CEP83: variants seen among roughly 807,000 people sequenced by gnomAD.
CEP83 encodes centrosomal protein of 83 kDa.
In CEP83, 70 loss-of-function variants were observed where a neutral mutation model predicts 101.9. The observed-to-expected ratio is 0.69, with a 90% CI of 0.57 to 0.84. CEP83 has a LOEUF of 0.84. Among genes scored for constraint, CEP83 ranks in the 40% least tolerant of loss-of-function variants. CEP83 has a pLI of 0.00. For missense variants in CEP83, 715 were observed against 787.2 expected (o/e 0.91, Z 1.10); for synonymous variants, 264 against 267.9 (o/e 0.99, Z 0.14).
At chr12:94,450,103 C>A (rs1000485950) in intron 1 of CEP83, among the ~76,000 whole-genome samples, 5 of 152,146 alleles carry the variant, frequency 3.3e-5, no homozygotes, top group Non-Finnish European at 7.4e-5. Context: ...GGGAGTAATG[C>A]AATGCACATT....
the CEP83 span, among the ~76,000 whole-genome samples, chr12:94,269,013 C>A: frequency 6.6e-5 from 10 of 152,050 alleles, no homozygotes; most frequent in Non-Finnish European, 1.5e-4. Context: ...AAGAGTGGAA[C>A]TTTGGAGGAG....
intron 6 of CEP83, among the ~76,000 whole-genome samples, chr12:94,394,204 G>A (rs561352197): frequency 7.9e-5 from 12 of 152,238 alleles, no homozygotes; most frequent in South Asian, 2.1e-4. Context: ...GAGGCATCAC[G>A]CTACCTGACT....
In CEP83 at chr12:94,425,731, T is replaced by C. The variant is rs1281582434; in HGVS notation, c.-102+9544A>G. On this transcript the variant is annotated intron_variant, in intron 2 of 16. Coordinates refer to ENST00000397809, the MANE Select transcript of CEP83 (RefSeq NM_016122.3). ...AATGGCTGTTCACAGACCGTCTTAATCTATGAAAAGATTTTTGCTTTAAGA... is the reference window on the plus strand; with the variant it reads ...AATGGCTGTTCACAGACCGTCTTAACCTATGAAAAGATTTTTGCTTTAAGA... Among the ~76,000 whole-genome samples, 3 of 152,312 alleles carry C rather than the reference T, an allele frequency of 2.0e-5. No individual in the cohort carries two copies. The East Asian group carries it at 5.8e-4, about 29-fold the overall frequency.
At chr12:94,385,425 A>T (rs2062083886) in intron 6 of CEP83, among the ~76,000 whole-genome samples, 1 of 152,104 alleles carries the variant, frequency 6.6e-6, no homozygotes, top group South Asian at 2.1e-4. Context: ...TTGAGAGTGG[A>T]TGTCCAAGCT....
chr12:94,331,918 C>A, intron 13 of CEP83, 89 bp from the exon 14 acceptor site: 1 of 1,180,746 alleles, frequency 8.5e-7, no homozygotes, highest in South Asian at 1.3e-5. Context: ...AACTCACTAC[C>A]TGTCTGACCA....
intron 6 of CEP83, among the ~76,000 whole-genome samples, chr12:94,391,596 T>C (rs1213663785): frequency 6.6e-6 from 1 of 152,074 alleles, no homozygotes; most frequent in African/African-American, 2.4e-5. Context: ...CCAGCGAACA[T>C]CGTAATGACA....
intron 1 of CEP83, among the ~76,000 whole-genome samples, chr12:94,454,122 CT>C: frequency 6.6e-6 from 1 of 151,848 alleles, no homozygotes; most frequent in African/African-American, 2.4e-5. Flanking sequence ...ATTAGAGTAC[CT>C]ATTAAATTGT....
At chr12:94,428,203 C>T (rs1290975902) in intron 2 of CEP83, among the ~76,000 whole-genome samples, 1 of 152,106 alleles carries the variant, frequency 6.6e-6, no homozygotes, top group Non-Finnish European at 1.5e-5. Flanking sequence ...TGTAAATTAC[C>T]AAAGTCTCTG....
the CEP83 span, among the ~76,000 whole-genome samples, chr12:94,286,301 C>A: frequency 6.6e-6 from 1 of 152,070 alleles, no homozygotes; most frequent in Non-Finnish European, 1.5e-5. Context: ...CTGAAGGAAA[C>A]GGGAGGTCAT....
chr12:94,376,410 A>C (rs1285645798), intron 7 of CEP83, among the ~76,000 whole-genome samples: 1 of 152,088 alleles, frequency 6.6e-6, no homozygotes, highest in Non-Finnish European at 1.5e-5. Flanking sequence ...GACAGGGCTC[A>C]TTGATAGTAA....
intron 8 of CEP83, among the ~76,000 whole-genome samples, chr12:94,371,804 G>A (rs1213647211): frequency 3.3e-5 from 5 of 152,072 alleles, no homozygotes; most frequent in Non-Finnish European, 7.4e-5. Flanking sequence ...TCCTGAAAAC[G>A]TTTCAAGGAA....
intron 15 of CEP83, chr12:94,312,478 C>A (rs1970014494): frequency 1.9e-6 from 1 of 531,406 alleles, no homozygotes; most frequent in Non-Finnish European, 2.4e-6. Context: ...TTTAAAAATG[C>A]TGATGATCCT....
chr12:94,359,990 A>G (rs1198596703), intron 11 of CEP83, among the ~76,000 whole-genome samples: 1 of 152,222 alleles, frequency 6.6e-6, no homozygotes, highest in Admixed American at 6.5e-5. Context: ...GCAAATCAAT[A>G]AATGTGATAC....
intron 15 of CEP83, 104 bp from the exon 16 acceptor site, chr12:94,310,211 T>C: frequency 2.1e-6 from 1 of 466,718 alleles, no homozygotes; most frequent in Non-Finnish European, 3.7e-6. Context: ...AATTATGAGA[T>C]CTATATATAA....
chr12:94,449,917 A>G (rs570730484), intron 1 of CEP83, among the ~76,000 whole-genome samples: 2 of 152,130 alleles, frequency 1.3e-5, no homozygotes, highest in Non-Finnish European at 2.9e-5. Context: ...ATATAACCAT[A>G]TCATCAGATG....
At chr12:94,359,942 TAG>T (rs2060663961) in intron 11 of CEP83, among the ~76,000 whole-genome samples, 1 of 152,102 alleles carries the variant, frequency 6.6e-6, no homozygotes, top group Non-Finnish European at 1.5e-5. Flanking sequence ...ATGATCAAGT[TAG>T]ATTTATCACA....
chr12:94,405,680 C>A (rs963052263), intron 4 of CEP83, among the ~76,000 whole-genome samples: 1 of 152,132 alleles, frequency 6.6e-6, no homozygotes, highest in African/African-American at 2.4e-5. Flanking sequence ...CATAAGAAAG[C>A]AAAAGGCAGA....
At chr12:94,415,444 T>C (rs2064194550) in intron 2 of CEP83, among the ~76,000 whole-genome samples, 1 of 152,112 alleles carries the variant, frequency 6.6e-6, no homozygotes, top group East Asian at 1.9e-4. Context: ...AAATTGTTTA[T>C]AGGTTTGTCT....
chr12:94,299,952 G>GC, the CEP83 span, among the ~76,000 whole-genome samples: 375 of 152,258 alleles, frequency 2.5e-3, 6 homozygotes, highest in Non-Finnish European at 1.2e-3. Context: ...TGGCATCTGA[G>GC]CAGGGGCAGC....
Sources: gnomAD v4.1 joint callset for allele counts (sites outside exome capture counted in the v4.1 genomes callset) on GRCh38, gnomAD v4.1.1 for gene constraint, MANE v1.5 for transcripts, NCBI Gene and HGNC (gene_info 2026-07-23, HGNC 2026-07-21) for gene names.